Variants in CDH12 observed in about 807,000 individuals in gnomAD.
CDH12 encodes the protein cadherin-12.
CDH12 carries 41 observed loss-of-function variants against 74.1 expected under a neutral mutation model. The observed-to-expected ratio is 0.55, with a 90% CI of 0.43 to 0.72. The LOEUF (loss-of-function observed/expected upper bound fraction) is 0.72, where lower values mean the gene tolerates loss of function less well. Among genes scored for constraint, CDH12 ranks in the 30% least tolerant of loss-of-function variants. The pLI, the probability that CDH12 is intolerant of heterozygous loss-of-function variation, is 0.00. For synonymous variants in CDH12, 399 were observed against 355.0 expected (o/e 1.12, Z -1.39); for missense variants, 945 against 977.2 (o/e 0.97, Z 0.44).
At chr5:22,727,417 T>C (rs1296943818) in intron 1 of CDH12, among the ~76,000 whole-genome samples, 1 of 151,748 alleles carries the variant, frequency 6.6e-6, no homozygotes, top group East Asian at 1.9e-4. Context: ...TTTTTTGGTA[T>C]TGTAACTCAT....
intron 5 of CDH12, among the ~76,000 whole-genome samples, chr5:22,051,781 C>G (rs897288653): frequency 5.3e-5 from 8 of 151,496 alleles, no homozygotes; most frequent in Non-Finnish European, 1.2e-4. Flanking sequence ...CTTAATCAAA[C>G]TAAAAGGGGA....
At chr5:22,434,278 A>G (rs1744288274) in intron 2 of CDH12, among the ~76,000 whole-genome samples, 1 of 152,142 alleles carries the variant, frequency 6.6e-6, no homozygotes, top group African/African-American at 2.4e-5. Context: ...TCCTCAAATC[A>G]TTATAGTTTG....
At chr5:22,458,732 C>G (rs1340732723) in intron 2 of CDH12, among the ~76,000 whole-genome samples, 2 of 152,068 alleles carry the variant, frequency 1.3e-5, no homozygotes, top group Non-Finnish European at 2.9e-5. Context: ...TTCAATAACA[C>G]TCTATGAACT....
At chr5:22,221,971 A>G (rs1304995761) in intron 3 of CDH12, among the ~76,000 whole-genome samples, 9 of 151,824 alleles carry the variant, frequency 5.9e-5, no homozygotes, top group African/African-American at 2.2e-4. Context: ...CTCAGTTTTT[A>G]TTTCTGAAGC....
intron 2 of CDH12, among the ~76,000 whole-genome samples, chr5:22,459,605 A>G (rs17333252): frequency 0.01 from 1,525 of 152,296 alleles, 9 homozygotes; most frequent in Non-Finnish European, 0.014. Context: ...AGCAGTATAT[A>G]TAGAGAAAAC....
At chr5:22,704,504 AG>A (rs1212391351) in intron 1 of CDH12, among the ~76,000 whole-genome samples, 1 of 152,176 alleles carries the variant, frequency 6.6e-6, no homozygotes, top group Non-Finnish European at 1.5e-5. Flanking sequence ...AGTCCAGTAA[AG>A]TATTCACAAG....
At position 22,196,394 on chromosome 5, in the gene CDH12, C is replaced by T. The variant is rs542747906; in HGVS notation, c.-187+16104G>A. On this transcript the variant is annotated intron_variant, in intron 4 of 14. Transcript: ENST00000382254. ...TCTCGACCTCATGATCTGCCCACCT[C>T]GGCCTCCCAAAGTGCTGGGATTACA... Among the ~76,000 whole-genome samples, 20 of 152,094 alleles carry T rather than the reference C, an allele frequency of 1.3e-4. No homozygotes were observed. The East Asian group carries it at 3.5e-3, about 27-fold the overall frequency.
At chr5:22,130,586 T>C (rs572779058) in intron 4 of CDH12, among the ~76,000 whole-genome samples, 7 of 151,932 alleles carry the variant, frequency 4.6e-5, no homozygotes, top group African/African-American at 9.6e-5. Flanking sequence ...CAAATTGAAA[T>C]AGACATGGGT....
chr5:22,722,489 A>T (rs767972777), intron 1 of CDH12, among the ~76,000 whole-genome samples: 1 of 152,244 alleles, frequency 6.6e-6, no homozygotes, highest in Non-Finnish European at 1.5e-5. Context: ...TATATATTCA[A>T]TTATAACTAT....
At chr5:22,537,093 A>G (rs1459929207) in intron 1 of CDH12, among the ~76,000 whole-genome samples, 2 of 152,234 alleles carry the variant, frequency 1.3e-5, no homozygotes, top group African/African-American at 2.4e-5. Context: ...ACATTTTCTT[A>G]TGGTGCCATT....
intron 3 of CDH12, among the ~76,000 whole-genome samples, chr5:22,351,594 T>C (rs902493835): frequency 5.9e-5 from 9 of 152,230 alleles, no homozygotes; most frequent in African/African-American, 2.2e-4. Context: ...GTTTCTAAAA[T>C]GCAGCTCTTC....
chr5:21,799,731 A>C (rs1747006368), intron 10 of CDH12, among the ~76,000 whole-genome samples: 1 of 152,190 alleles, frequency 6.6e-6, no homozygotes, highest in Non-Finnish European at 1.5e-5. Context: ...CCCAACAGTG[A>C]TTTGATGTCA....
rs1033580936 is a variant in CDH12 at position 21,896,727 on chromosome 5, C to T, written c.527-41937G>A. Reference sequence around the variant, plus strand: ...CAAAAAAAACTTTTTTTATCTAATGCTTGATAGATGGCTAAACTTCTTAAC... The same window carrying T: ...CAAAAAAAACTTTTTTTATCTAATGTTTGATAGATGGCTAAACTTCTTAAC... On this transcript the variant is annotated intron_variant, in intron 6 of 14. Coordinates refer to ENST00000382254, the MANE Select transcript of CDH12 (RefSeq NM_004061.5). 5.9e-5 allele frequency among the ~76,000 whole-genome samples: 9 copies of T among 152,222 alleles called. No homozygotes were observed. In the East Asian group the frequency reaches 1.4e-3, roughly 23 times the overall value.
At chr5:22,441,610 A>G (rs2126542248) in intron 2 of CDH12, among the ~76,000 whole-genome samples, 2 of 152,294 alleles carry the variant, frequency 1.3e-5, no homozygotes, top group South Asian at 4.1e-4. Context: ...AATGACTAGT[A>G]GATTAACTCA....
chr5:22,349,270 C>A (rs1288544562), intron 3 of CDH12, among the ~76,000 whole-genome samples: 3 of 152,186 alleles, frequency 2.0e-5, no homozygotes, highest in Admixed American at 6.5e-5. Flanking sequence ...TAAACCTTGA[C>A]AGTCAGTTTC....
At chr5:22,340,430 G>A (rs1415224781) in intron 3 of CDH12, among the ~76,000 whole-genome samples, 2 of 151,906 alleles carry the variant, frequency 1.3e-5, no homozygotes, top group African/African-American at 2.4e-5. Flanking sequence ...GGGAGGCTGA[G>A]GCAGGAGAAT....
At chr5:22,327,145 A>C (rs1387728107) in intron 3 of CDH12, among the ~76,000 whole-genome samples, 1 of 152,120 alleles carries the variant, frequency 6.6e-6, no homozygotes, top group Non-Finnish European at 1.5e-5. Flanking sequence ...CATTTAATAC[A>C]ATACAAATGT....
intron 9 of CDH12, among the ~76,000 whole-genome samples, chr5:21,813,645 A>T (rs1246557317): frequency 1.3e-5 from 2 of 152,062 alleles, no homozygotes. Flanking sequence ...CTCTTCCTTC[A>T]CTTCATTCCA....
At chr5:22,106,222 C>G (rs904697861) in intron 4 of CDH12, among the ~76,000 whole-genome samples, 6 of 151,994 alleles carry the variant, frequency 3.9e-5, no homozygotes, top group African/African-American at 1.5e-4. Flanking sequence ...ATACAACAAC[C>G]CGGTGACATG....
Sources: allele counts gnomAD v4.1 joint callset (sites outside exome capture counted in the v4.1 genomes callset), GRCh38; gene constraint gnomAD v4.1.1; transcripts MANE v1.5; gene names NCBI Gene and HGNC (gene_info 2026-07-23, HGNC 2026-07-21).